The following RNF212 variants were observed in gnomAD, a reference collection of about 807,000 sequenced individuals.
The protein encoded by RNF212 is probable E3 SUMO-protein ligase RNF212.
Under a neutral mutation model 34.7 loss-of-function variants are expected in RNF212, and 33 were observed. The ratio of observed to expected loss-of-function variants is 0.95; its 90% CI spans 0.72 to 1.27. The LOEUF is 1.27. RNF212 is among the 50% of genes most tolerant of loss of function. The pLI is 0.00. For missense variants in RNF212, 377 were observed against 362.2 expected, an observed-to-expected ratio of 1.04 and a Z score of -0.33; for synonymous variants, 140 against 136.1, an observed-to-expected ratio of 1.03 and a Z score of -0.20.
Position 1,073,660 on chromosome 4 carries a change from AG to A in RNF212, c.512del (p.Ser171LeufsTer3), listed in dbSNP as rs1718791371. ...TTCTCGCAGGGCCGGCTGCTATCTCAGACTAAGAATGCAACAAGAAAACAAT... is the reference window on the plus strand; with the variant it reads ...TTCTCGCAGGGCCGGCTGCTATCTCAACTAAGAATGCAACAAGAAAACAAT... ...VDLSPSPIRK[S>X]EIAAGPARIS... On this transcript the variant is annotated frameshift_variant and splice_region_variant, in exon 9 of 10. Coordinates refer to ENST00000433731, the MANE Select transcript of RNF212 (RefSeq NM_001131034.4). LOFTEE classifies it high-confidence loss of function. 2 of 1,610,026 alleles carry A rather than the reference AG, an allele frequency of 1.2e-6. No individual in the cohort carries two copies. The highest frequency in any genetic ancestry group is 1.7e-4 in the Middle Eastern group (1 of 6,056).
At chr4:1,099,277 A>T (rs1019016348) in intron 2 of RNF212, among the ~76,000 whole-genome samples, 1 of 152,232 alleles carries the variant, frequency 6.6e-6, no homozygotes, top group African/African-American at 2.4e-5. Context: ...ACATTTTTTT[A>T]AAAACAAAAA....
intron 4 of RNF212, among the ~76,000 whole-genome samples, chr4:1,058,040 A>G (rs1242817353): frequency 1.4e-5 from 2 of 144,090 alleles, no homozygotes; most frequent in African/African-American, 2.7e-5. Flanking sequence ...CAGCCTGGGC[A>G]ACAAAGAGTG....
chr4:1,067,096 T>C (rs970242509), downstream of RNF212, among the ~76,000 whole-genome samples: 1 of 152,228 alleles, frequency 6.6e-6, no homozygotes, highest in African/African-American at 2.4e-5. Flanking sequence ...ATAGTGTGTT[T>C]TGTTTTGAGG....
intron 2 of RNF212, among the ~76,000 whole-genome samples, chr4:1,105,839 T>C (rs779349292): frequency 6.6e-6 from 1 of 152,204 alleles, no homozygotes; most frequent in Non-Finnish European, 1.5e-5. Flanking sequence ...CTGTGGGGGA[T>C]GGAGCCTGTG....
At chr4:1,058,312 G>GTTAGAACGCTGTGA (rs1296586766) in intron 4 of RNF212, 1 of 718,146 alleles carries the variant, frequency 1.4e-6, no homozygotes, top group African/African-American at 2.2e-5. Flanking sequence ...GCTTGCGGGG[G>GTTAGAACGCTGTGA]GGCACTACCT....
intron 1 of RNF212, among the ~76,000 whole-genome samples, chr4:1,108,950 C>G (rs1030432844): frequency 6.6e-6 from 1 of 151,954 alleles, no homozygotes; most frequent in African/African-American, 2.4e-5. Context: ...ATCCTCCCAC[C>G]TCAGCCTCCC....
At chr4:1,056,827 T>G (rs1239794205) in intron 4 of RNF212, 1 of 987,366 alleles carries the variant, frequency 1.0e-6, no homozygotes, top group Non-Finnish European at 1.2e-6. Flanking sequence ...TGAGGCTGGC[T>G]GAGCACTTGC....
downstream of RNF212, among the ~76,000 whole-genome samples, chr4:1,069,707 T>C (rs989679099): frequency 1.3e-5 from 2 of 152,222 alleles, no homozygotes; most frequent in Non-Finnish European, 2.9e-5. Context: ...TTCCCACCAA[T>C]AGAGGATGGT....
intron 5 of RNF212, among the ~76,000 whole-genome samples, chr4:1,083,001 C>T (rs79560074): frequency 0.016 from 2,488 of 152,182 alleles, 62 homozygotes; most frequent in African/African-American, 0.056. Context: ...ACAGTGAGGC[C>T]GGGCAAGACG....
Position 1,081,426 on chromosome 4 carries a change from G to C in RNF212, c.457C>G (p.Pro153Ala). 1 of 1,613,748 alleles carries C rather than the reference G, an allele frequency of 6.2e-7. No homozygotes were observed. The highest frequency in any genetic ancestry group is 8.5e-7 in the Non-Finnish European group (1 of 1,179,786). ...TGCAAGCAACCCACACACCTGTCGG[G>C]GGCTGATGAGTGAGGTGGCAGCAGG... is the stretch of plus-strand genomic sequence containing the variant. ...GCLLPPHSSAPDRLESMEVDL... is the reference protein window; with the variant it reads ...GCLLPPHSSAADRLESMEVDL... Residue 153 changes from proline to alanine, a missense_variant, in exon 7 of 10, where the codon CCC becomes GCC. Physicochemically the swap from Pro to Ala is conservative, Grantham distance 27 (BLOSUM62 -1). Coordinates refer to ENST00000433731, the MANE Select transcript of RNF212 (RefSeq NM_001131034.4).
At chr4:1,104,324 A>G (rs2153063058) in intron 2 of RNF212, among the ~76,000 whole-genome samples, 1 of 152,334 alleles carries the variant, frequency 6.6e-6, no homozygotes, top group South Asian at 2.1e-4. Context: ...TATTGTGGGG[A>G]CACTTGTTTC....
At chr4:1,073,456 G>T in intron 9 of RNF212, 143 bp downstream of exon 9, 2 of 743,034 alleles carry the variant, frequency 2.7e-6, no homozygotes, top group Non-Finnish European at 4.5e-6. Flanking sequence ...CCATTTTGGT[G>T]AATATGTAGC....
intron 3 of RNF212, among the ~76,000 whole-genome samples, chr4:1,065,925 G>A (rs1199209874): frequency 6.9e-6 from 1 of 145,278 alleles, no homozygotes; most frequent in African/African-American, 2.5e-5. Flanking sequence ...CGTCCAGGCT[G>A]GAGTGCAGTG....
At chr4:1,078,817 T>G (rs997691015) in intron 8 of RNF212, among the ~76,000 whole-genome samples, 5 of 135,656 alleles carry the variant, frequency 3.7e-5, no homozygotes, top group African/African-American at 1.1e-4. Context: ...CAACACAGGG[T>G]CAACACAGGA....
Position 1,073,205 on chromosome 4 carries a change from T to A in RNF212, c.575-12A>T. 1 of 1,612,278 alleles carries A rather than the reference T, an allele frequency of 6.2e-7. No homozygotes were observed. The highest frequency in any genetic ancestry group is 8.5e-7 in the Non-Finnish European group (1 of 1,178,582). On this transcript the variant is annotated splice_polypyrimidine_tract_variant and intron_variant, in intron 9 of 9. Transcript: ENST00000433731. ...TGTTAGATGTGGCCCTGCGGGAAGATGCAGGAGACAGCGTGTGGGGAGATG... is the reference window on the plus strand; with the variant it reads ...TGTTAGATGTGGCCCTGCGGGAAGAAGCAGGAGACAGCGTGTGGGGAGATG...
downstream of RNF212, among the ~76,000 whole-genome samples, chr4:1,070,881 T>G (rs544776862): frequency 1.1e-3 from 168 of 151,562 alleles, no homozygotes; most frequent in Non-Finnish European, 1.9e-3. Context: ...GGAGTTTTGT[T>G]TTTTTTTTAA....
At chr4:1,077,558 T>A (rs760814682) in intron 8 of RNF212, among the ~76,000 whole-genome samples, 74 of 152,320 alleles carry the variant, frequency 4.9e-4, no homozygotes, top group Non-Finnish European at 9.1e-4. Context: ...GTATTCTCTA[T>A]CCTCCTCAAT....
chr4:1,081,316 C>T (rs1720294186), intron 7 of RNF212, 103 bp downstream of exon 7: 1 of 985,166 alleles, frequency 1.0e-6, no homozygotes, highest in Non-Finnish European at 1.6e-6. Context: ...TATGGATTAG[C>T]AAAATCTGGG....
At chr4:1,099,789 T>C (rs897864612) in intron 2 of RNF212, 1 of 456,136 alleles carries the variant, frequency 2.2e-6, no homozygotes, top group Non-Finnish European at 4.4e-6. Flanking sequence ...AAATCAACCC[T>C]GGTGCAGAGC....
Sources: allele counts gnomAD v4.1 joint callset (sites outside exome capture counted in the v4.1 genomes callset), GRCh38; gene constraint gnomAD v4.1.1; transcripts MANE v1.5; gene names NCBI Gene and HGNC (gene_info 2026-07-23, HGNC 2026-07-21).